The following ITPR1 variants were observed in gnomAD, a reference collection of about 807,000 sequenced individuals.
ITPR1 encodes inositol 1,4,5-trisphosphate-gated calcium channel ITPR1.
In ITPR1, 96 loss-of-function variants were observed where a neutral mutation model predicts 318.4. The observed-to-expected ratio is 0.30, with a 90% CI of 0.26 to 0.36. The LOEUF is 0.36. Ranked by LOEUF, ITPR1 falls within the 10% of genes least tolerant of loss-of-function variation. The pLI is 1.00. For missense variants in ITPR1, 2,440 were observed against 3,460.2 expected (o/e 0.71, Z 7.40); for synonymous variants, 1,312 against 1,289.9 (o/e 1.02, Z -0.37).
intron 35 of ITPR1, among the ~76,000 whole-genome samples, chr3:4,700,729 C>T (rs749431852): frequency 1.3e-4 from 20 of 152,186 alleles, no homozygotes; most frequent in Non-Finnish European, 2.1e-4. Flanking sequence ...TGCATTTTCA[C>T]GCTGCTGATA....
intron 60 of ITPR1, among the ~76,000 whole-genome samples, chr3:4,824,554 C>G (rs996987587): frequency 6.6e-6 from 1 of 152,148 alleles, no homozygotes; most frequent in Non-Finnish European, 1.5e-5. Flanking sequence ...TGGCTGGCGG[C>G]ATCTGGTTTG....
At chr3:4,516,625 ACAT>A in intron 3 of ITPR1, 42 bp downstream of exon 3, 1 of 1,139,272 alleles carries the variant, frequency 8.8e-7, no homozygotes, top group Non-Finnish European at 1.3e-6. Flanking sequence ...TTTGTTTAAG[ACAT>A]CATAACATCA....
At chr3:4,748,567 G>A (rs1033343051) in intron 44 of ITPR1, among the ~76,000 whole-genome samples, 13 of 152,150 alleles carry the variant, frequency 8.5e-5, no homozygotes, top group Admixed American at 1.3e-4. Flanking sequence ...CTCTTCCTCA[G>A]TTATCGTTTC....
At chr3:4,623,542 T>C (rs181724712) in intron 4 of ITPR1, among the ~76,000 whole-genome samples, 51 of 152,330 alleles carry the variant, frequency 3.3e-4, no homozygotes, top group African/African-American at 1.1e-3. Context: ...TGTGTTCTCC[T>C]TCCCCCAAAT....
At chr3:4,627,711 G>A in intron 4 of ITPR1, 52 bp from the exon 5 acceptor site, 1 of 1,030,292 alleles carries the variant, frequency 9.7e-7, no homozygotes, top group Non-Finnish European at 1.5e-6. Context: ...TCCTTAGGCT[G>A]AGTCTCTATA....
At chr3:4,587,271 G>GTTTT (rs34690762) in intron 4 of ITPR1, among the ~76,000 whole-genome samples, 7 of 118,926 alleles carry the variant, frequency 5.9e-5, no homozygotes, top group Non-Finnish European at 6.8e-5. Flanking sequence ...ACTTCTCATG[G>GTTTT]TTTTTTTTTT....
chr3:4,827,706 T>C (rs183199049), intron 60 of ITPR1, among the ~76,000 whole-genome samples: 3 of 152,266 alleles, frequency 2.0e-5, no homozygotes, highest in Admixed American at 2.0e-4. Flanking sequence ...AGAGTGCGGA[T>C]AGGAGTTCGT....
At chr3:4,643,371 G>A (rs1483435410) in intron 7 of ITPR1, among the ~76,000 whole-genome samples, 2 of 152,186 alleles carry the variant, frequency 1.3e-5, no homozygotes, top group African/African-American at 4.8e-5. Flanking sequence ...TTCATTTTCA[G>A]CACATCCTTT....
chr3:4,795,144 C>A lies in ITPR1; in HGVS notation c.6888C>A (p.Asn2296Lys). 6 of 1,613,818 alleles carry A rather than the reference C, an allele frequency of 3.7e-6. No individual in the cohort carries two copies. Among genetic ancestry groups the A allele is most frequent in the Non-Finnish European group, 4.2e-6 (5 of 1,179,846 alleles). ...CGTTTAACCTGGCCGTCCTGATGAA[C>A]CTGCTGGTGGCGTTTTTCTACCCGT... Reference protein sequence around the residue: ...SISFNLAVLMNLLVAFFYPFK... With the variant: ...SISFNLAVLMKLLVAFFYPFK... The change falls in exon 53 of 62, where the codon AAC becomes AAA. Residue 2296 changes from asparagine to lysine, a missense_variant. Coordinates refer to ENST00000649015, the MANE Select transcript of ITPR1 (RefSeq NM_001378452.1).
At chr3:4,621,415 G>A (rs546335160) in intron 4 of ITPR1, among the ~76,000 whole-genome samples, 1 of 152,076 alleles carries the variant, frequency 6.6e-6, no homozygotes, top group Non-Finnish European at 1.5e-5. Context: ...CAAAGAGGTG[G>A]TTCTAAACCA....
intron 4 of ITPR1, among the ~76,000 whole-genome samples, chr3:4,627,098 G>A (rs1363806861): frequency 4.6e-5 from 7 of 152,094 alleles, no homozygotes; most frequent in African/African-American, 1.7e-4. Flanking sequence ...TAGGATTACA[G>A]GCATGAGCCA....
At chr3:4,804,379 G>A (rs539983811) in intron 54 of ITPR1, among the ~76,000 whole-genome samples, 1 of 152,358 alleles carries the variant, frequency 6.6e-6, no homozygotes, top group East Asian at 1.9e-4. Context: ...GCTAAGAGCA[G>A]ACGGGAAGAC....
intron 5 of ITPR1, among the ~76,000 whole-genome samples, chr3:4,633,784 T>C (rs2093092368): frequency 6.6e-6 from 1 of 152,238 alleles, no homozygotes; most frequent in African/African-American, 2.4e-5. Flanking sequence ...TACATTGTTT[T>C]GTTCTGAGAA....
intron 46 of ITPR1, among the ~76,000 whole-genome samples, chr3:4,769,304 A>G (rs182620300): frequency 7.0e-4 from 107 of 152,282 alleles, no homozygotes; most frequent in Admixed American, 2.6e-3. Flanking sequence ...GCACCAACAT[A>G]GGTGCCTGCC....
At chr3:4,634,378 A>C (rs2093113559) in intron 5 of ITPR1, among the ~76,000 whole-genome samples, 1 of 151,926 alleles carries the variant, frequency 6.6e-6, no homozygotes, top group Non-Finnish European at 1.5e-5. Context: ...TGCCTGGCTA[A>C]TTTTTGTATT....
rs753790681 is a variant in ITPR1 at position 4,516,462 on chromosome 3, T to G, written c.-16-14T>G. ...CTTTTCTTCTAACAATGCTGCATAT[T>G]TTACTTTGTCTAGGATTTTCAAGAA... is the stretch of plus-strand genomic sequence containing the variant. On this transcript the variant is annotated splice_polypyrimidine_tract_variant and intron_variant, in intron 2 of 61. Transcript: ENST00000649015. 1 of 1,318,626 alleles carries G rather than the reference T, an allele frequency of 7.6e-7. No individual in the cohort carries two copies. Among genetic ancestry groups the G allele is most frequent in the African/African-American group, 1.5e-5 (1 of 66,068 alleles). The allele number at this position is 1,318,626 out of a possible 1,614,324, so 81.7% of individuals were successfully genotyped here. A position where few individuals can be genotyped will look rare whatever the true frequency, so the allele number is the denominator to read the frequency against.
intron 54 of ITPR1, among the ~76,000 whole-genome samples, chr3:4,803,462 G>T (rs2048367774): frequency 6.6e-6 from 1 of 152,160 alleles, no homozygotes; most frequent in Admixed American, 6.5e-5. Flanking sequence ...AGTTTTTCAG[G>T]GTGAAAATGC....
At chr3:4,725,603 G>C (rs369185152) in intron 41 of ITPR1, 22 bp downstream of exon 41, 1 of 1,595,530 alleles carries the variant, frequency 6.3e-7, no homozygotes, top group Non-Finnish European at 8.5e-7. Flanking sequence ...GCCTATATTT[G>C]TAGCGCCAGC....
At position 4,818,069 on chromosome 3, in the gene ITPR1, G is replaced by T; in HGVS notation, c.7868-13G>T. 1 of 1,586,490 alleles carries T rather than the reference G, an allele frequency of 6.3e-7. No individual in the cohort carries two copies. The highest frequency in any genetic ancestry group is 1.1e-5 in the South Asian group (1 of 87,300). On this transcript the variant is annotated splice_polypyrimidine_tract_variant and intron_variant, in intron 59 of 61. Transcript: ENST00000649015. Reference sequence around the variant, plus strand: ...GCTCAGCTGGGGCTGGGGGCTTTTTGTCTCATTTTTAGGCTTGGAAAGAGA... The same window carrying T: ...GCTCAGCTGGGGCTGGGGGCTTTTTTTCTCATTTTTAGGCTTGGAAAGAGA...
Sources: gnomAD v4.1 joint callset for allele counts (sites outside exome capture counted in the v4.1 genomes callset) on GRCh38, gnomAD v4.1.1 for gene constraint, MANE v1.5 for transcripts, NCBI Gene and HGNC (gene_info 2026-07-23, HGNC 2026-07-21) for gene names.